The following ADGRL3 variants were observed in gnomAD, a reference collection of about 807,000 sequenced individuals.
The protein encoded by ADGRL3 is calcium-independent alpha-latrotoxin receptor 3.
Under a neutral mutation model 153.5 loss-of-function variants are expected in ADGRL3, and 62 were observed. The ratio of observed to expected loss-of-function variants is 0.40; its 90% CI spans 0.33 to 0.50. The LOEUF is 0.50. Among genes scored for constraint, ADGRL3 ranks in the 20% least tolerant of loss-of-function variants. ADGRL3 has a pLI of 0.47. For synonymous variants in ADGRL3, 710 were observed against 672.5 expected, an observed-to-expected ratio of 1.06 and a Z score of -0.86; for missense variants, 1,641 against 1,859.4, an observed-to-expected ratio of 0.88 and a Z score of 2.16.
intron 9 of ADGRL3, among the ~76,000 whole-genome samples, chr4:61,852,822 ATTT>A (rs1197139164): frequency 9.4e-6 from 1 of 105,906 alleles, no homozygotes; most frequent in Admixed American, 8.8e-5. Flanking sequence ...TTATTTATTT[ATTT>A]ATTTATTTAT....
intron 1 of ADGRL3, among the ~76,000 whole-genome samples, chr4:61,214,326 C>T (rs764795973): frequency 1.1e-4 from 17 of 152,096 alleles, no homozygotes; most frequent in Non-Finnish European, 2.5e-4. Context: ...CATAAATATT[C>T]TTAGTTTCTT....
intron 4 of ADGRL3, among the ~76,000 whole-genome samples, chr4:61,580,754 C>T (rs996243342): frequency 5.9e-5 from 9 of 152,014 alleles, no homozygotes; most frequent in African/African-American, 1.9e-4. Context: ...TCTTTGCTCC[C>T]TGGACCTTTC....
intron 1 of ADGRL3, among the ~76,000 whole-genome samples, chr4:61,225,232 A>G (rs899904524): frequency 6.6e-6 from 1 of 152,182 alleles, no homozygotes; most frequent in African/African-American, 2.4e-5. Context: ...GGGACTGGGA[A>G]CAGTCACGTT....
chr4:61,836,029 G>T (rs2097929621), intron 9 of ADGRL3, among the ~76,000 whole-genome samples: 1 of 152,126 alleles, frequency 6.6e-6, no homozygotes, highest in African/African-American at 2.4e-5. Flanking sequence ...TGGTCGCAAA[G>T]TTAAGCTCTT....
At chr4:62,013,030 G>C (rs978300926) in intron 21 of ADGRL3, among the ~76,000 whole-genome samples, 1 of 152,138 alleles carries the variant, frequency 6.6e-6, no homozygotes, top group African/African-American at 2.4e-5. Flanking sequence ...TTTGGGAGCT[G>C]TACAAGAAAT....
At chr4:61,406,570 G>A (rs944077330) in intron 2 of ADGRL3, among the ~76,000 whole-genome samples, 1 of 151,532 alleles carries the variant, frequency 6.6e-6, no homozygotes, top group East Asian at 1.9e-4. Context: ...TAAGTGGGAT[G>A]TTATGTCATT....
At chr4:61,841,842 T>A (rs2098037414) in intron 9 of ADGRL3, among the ~76,000 whole-genome samples, 1 of 152,202 alleles carries the variant, frequency 6.6e-6, no homozygotes, top group Non-Finnish European at 1.5e-5. Context: ...GTGCACACAT[T>A]GTTATTATAA....
intron 2 of ADGRL3, among the ~76,000 whole-genome samples, chr4:61,403,932 A>G (rs548195049): frequency 3.3e-5 from 5 of 151,992 alleles, no homozygotes; most frequent in African/African-American, 1.2e-4. Context: ...GAAAACAGGC[A>G]TTTTTCCTTA....
chr4:61,247,519 A>G (rs528849516), intron 1 of ADGRL3, among the ~76,000 whole-genome samples: 35 of 152,092 alleles, frequency 2.3e-4, no homozygotes, highest in Non-Finnish European at 4.3e-4. Flanking sequence ...TTTGTTTTTC[A>G]ACTTATTTCC....
chr4:61,948,281 G>A lies in ADGRL3; in HGVS notation c.2805+5G>A. The stretch of plus-strand genomic sequence containing the variant: ...ATGGCACATGTGGAAGTTAAGGTAA[G>A]ATATATACCATACAATGAAAATGTT... On this transcript the variant is annotated splice_donor_5th_base_variant and intron_variant, in intron 17 of 26. Coordinates refer to ENST00000683033, the MANE Select transcript of ADGRL3 (RefSeq NM_001387552.1). 1 of 1,608,140 alleles carries A rather than the reference G, an allele frequency of 6.2e-7. No homozygotes were observed. Among genetic ancestry groups the A allele is most frequent in the Non-Finnish European group, 8.5e-7 (1 of 1,174,892 alleles).
At chr4:61,711,470 A>ATATATC (rs2095985169) in intron 6 of ADGRL3, among the ~76,000 whole-genome samples, 1 of 90,212 alleles carries the variant, frequency 1.1e-5, no homozygotes, top group Non-Finnish European at 2.2e-5. Flanking sequence ...ATATATATAT[A>ATATATC]TATATATATA....
chr4:62,011,064 A>C (rs867351753), intron 21 of ADGRL3, among the ~76,000 whole-genome samples: 8 of 152,134 alleles, frequency 5.3e-5, no homozygotes, highest in Non-Finnish European at 1.2e-4. Context: ...ATTTTAGCGT[A>C]GTTTCAGCTC....
rs576500459 is a variant in ADGRL3 at position 61,202,516 on chromosome 4, G to T, written c.-240+751G>T. On this transcript the variant is annotated intron_variant, in intron 1 of 26. Transcript: ENST00000683033. This position sits in a 1 kb window ranked among gnomAD's most constrained non-coding sequence, Gnocchi z 5.0. ...GCTGGTAGTGGGCACTGGGCGGGGG[G>T]CGGCGGTGTTGCACGAATCCGGGCG... 6.6e-6 allele frequency among the ~76,000 whole-genome samples: 1 copy of T among 152,134 alleles called. No homozygotes were observed. The highest frequency in any genetic ancestry group is 2.4e-5 in the African/African-American group (1 of 41,422).
chr4:61,229,170 G>A (rs1051911743), intron 1 of ADGRL3, among the ~76,000 whole-genome samples: 4 of 152,186 alleles, frequency 2.6e-5, no homozygotes, highest in Middle Eastern at 3.2e-3. Context: ...GTGGTCTCCA[G>A]TACGTTCTTA....
intron 8 of ADGRL3, among the ~76,000 whole-genome samples, chr4:61,813,010 C>T (rs1368911941): frequency 6.6e-6 from 1 of 152,130 alleles, no homozygotes; most frequent in African/African-American, 2.4e-5. Flanking sequence ...AAACATTTCT[C>T]AAAGTGTTAT....
intron 5 of ADGRL3, among the ~76,000 whole-genome samples, chr4:61,604,590 C>G (rs17090517): frequency 0.012 from 1,872 of 152,166 alleles, 33 homozygotes; most frequent in African/African-American, 0.042. Context: ...TCAGTTTGAA[C>G]TTTAAAATGC....
chr4:61,237,125 G>C (rs1174415282), intron 1 of ADGRL3, among the ~76,000 whole-genome samples: 1 of 151,990 alleles, frequency 6.6e-6, no homozygotes, highest in Non-Finnish European at 1.5e-5. Context: ...TTTCCCTATA[G>C]TGTTTTCTTT....
At chr4:61,763,926 G>GTATGCTCATA (rs1392801613) in intron 8 of ADGRL3, among the ~76,000 whole-genome samples, 1 of 152,066 alleles carries the variant, frequency 6.6e-6, no homozygotes, top group African/African-American at 2.4e-5. Context: ...GAATAAAAAT[G>GTATGCTCATA]TATGCTCATA....
chr4:61,321,743 G>A (rs1247892366), intron 1 of ADGRL3, among the ~76,000 whole-genome samples: 8 of 152,044 alleles, frequency 5.3e-5, no homozygotes, highest in South Asian at 2.1e-4. Context: ...GTAAAAATAT[G>A]ATATTATAAT....
Sources: allele counts gnomAD v4.1 joint callset (sites outside exome capture counted in the v4.1 genomes callset), GRCh38; gene constraint gnomAD v4.1.1; non-coding constraint Gnocchi (gnomAD v3.1); transcripts MANE v1.5; gene names NCBI Gene and HGNC (gene_info 2026-07-23, HGNC 2026-07-21).